MYRIP: variants seen among roughly 807,000 people sequenced by gnomAD.
The protein encoded by MYRIP is myosin VIIA and Rab interacting protein, also known as rab effector MyRIP.
In MYRIP, 49 loss-of-function variants were observed where a neutral mutation model predicts 98.0. The observed-to-expected ratio is 0.50, with a 90% confidence interval of 0.40 to 0.63. The LOEUF is 0.63. Ranked by LOEUF, MYRIP falls within the 30% of genes least tolerant of loss-of-function variation. MYRIP has a pLI of 0.00. For synonymous variants in MYRIP, 404 were observed against 409.5 expected, an observed-to-expected ratio of 0.99 and a Z score of 0.16; for missense variants, 1,004 against 1,058.2, an observed-to-expected ratio of 0.95 and a Z score of 0.71.
At chr3:40,096,468 T>C (rs1305733227) in intron 3 of MYRIP, among the ~76,000 whole-genome samples, 2 of 152,206 alleles carry the variant, frequency 1.3e-5, no homozygotes, top group Non-Finnish European at 2.9e-5. Context: ...CATAAATCAA[T>C]GCAGGAACCT....
intron 2 of MYRIP, among the ~76,000 whole-genome samples, chr3:39,980,684 A>G (rs1559546767): frequency 6.6e-6 from 1 of 152,170 alleles, no homozygotes; most frequent in African/African-American, 2.4e-5. Flanking sequence ...TGCTTTAGTT[A>G]CCTTGTCCTG....
chr3:39,868,773 C>T (rs1351276996), intron 1 of MYRIP, among the ~76,000 whole-genome samples: 1 of 152,160 alleles, frequency 6.6e-6, no homozygotes, highest in Non-Finnish European at 1.5e-5. Context: ...CCCCAAACAC[C>T]TCCTTTACGG....
chr3:39,847,756 A>G (rs1942010467), intron 1 of MYRIP, among the ~76,000 whole-genome samples: 1 of 152,100 alleles, frequency 6.6e-6, no homozygotes, highest in African/African-American at 2.4e-5. Context: ...GCTTCCATAT[A>G]TGCCCTCCCT....
intron 3 of MYRIP, among the ~76,000 whole-genome samples, chr3:40,093,548 T>C (rs963214267): frequency 2.0e-5 from 3 of 152,168 alleles, no homozygotes; most frequent in Non-Finnish European, 2.9e-5. Flanking sequence ...ATTCTAAGGG[T>C]ATGCTTAAGT....
At chr3:40,009,162 C>G (rs1395957459) in intron 2 of MYRIP, among the ~76,000 whole-genome samples, 1 of 152,026 alleles carries the variant, frequency 6.6e-6, no homozygotes, top group Non-Finnish European at 1.5e-5. Flanking sequence ...AATGTGGAGA[C>G]TGCCAGACCC....
chr3:40,208,110 A>G (rs1951832048), intron 10 of MYRIP, among the ~76,000 whole-genome samples: 1 of 152,190 alleles, frequency 6.6e-6, no homozygotes, highest in South Asian at 2.1e-4. Flanking sequence ...GTGAGTAATG[A>G]TGAGAAATAA....
intron 8 of MYRIP, among the ~76,000 whole-genome samples, chr3:40,176,857 C>T (rs539800992): frequency 7.9e-5 from 11 of 138,508 alleles, no homozygotes; most frequent in Non-Finnish European, 9.1e-5. Context: ...TGCAATGAGC[C>T]GAGATCACAC....
At chr3:40,173,064 G>C (rs1283227025) in intron 8 of MYRIP, 3 of 152,180 alleles carry the variant, frequency 2.0e-5, no homozygotes, top group African/African-American at 7.2e-5. Context: ...TGGGAAGGGG[G>C]TCATCACAAA....
chr3:39,984,496 G>C (rs556798838), intron 2 of MYRIP, among the ~76,000 whole-genome samples: 2 of 151,876 alleles, frequency 1.3e-5, no homozygotes, highest in African/African-American at 2.4e-5. Flanking sequence ...TTGTTCTTGC[G>C]ATAGTTTACT....
chr3:40,174,741 G>A (rs1950711334), intron 8 of MYRIP: 1 of 152,224 alleles, frequency 6.6e-6, no homozygotes, highest in African/African-American at 2.4e-5. Flanking sequence ...GAGGAAGAGT[G>A]TACTAATTAA....
At chr3:39,938,912 G>A (rs1384291691) in intron 2 of MYRIP, among the ~76,000 whole-genome samples, 8 of 152,174 alleles carry the variant, frequency 5.3e-5, no homozygotes, top group East Asian at 3.9e-4. Flanking sequence ...CAAAGCAGGA[G>A]TTTGAGCCCT....
intron 3 of MYRIP, among the ~76,000 whole-genome samples, chr3:40,094,357 C>T (rs916046689): frequency 6.6e-6 from 1 of 152,182 alleles, no homozygotes; most frequent in Non-Finnish European, 1.5e-5. Context: ...GAACTCAGAG[C>T]TTGGTCTGTC....
intron 2 of MYRIP, among the ~76,000 whole-genome samples, chr3:39,939,019 GC>G (rs1944721385): frequency 6.6e-6 from 1 of 152,106 alleles, no homozygotes. Context: ...ACACCGTCCA[GC>G]CCTGGCCAGT....
At position 39,872,192 on chromosome 3, in the gene MYRIP, A is replaced by G. The variant is rs1371712656; in HGVS notation, c.-30-28595A>G. Among the ~76,000 whole-genome samples the G allele has an allele frequency of 2.0e-5, 3 of 152,226 alleles. No individual in the cohort carries two copies. In the East Asian group the frequency reaches 5.8e-4, roughly 29 times the overall value. On this transcript the variant is annotated intron_variant, in intron 1 of 16. Transcript: ENST00000302541. ...GATTATAAAGTTAATGAATACTTAC[A>G]TAGAGAAATGTAAAGACTATTATTG...
At chr3:40,034,285 C>A (rs1429048184) in intron 2 of MYRIP, among the ~76,000 whole-genome samples, 165 of 151,998 alleles carry the variant, frequency 1.1e-3, no homozygotes, top group African/African-American at 3.6e-3. Context: ...GTGAACAGGC[C>A]ACCTACAAAA....
At chr3:39,977,802 C>T (rs924779873) in intron 2 of MYRIP, among the ~76,000 whole-genome samples, 6 of 152,178 alleles carry the variant, frequency 3.9e-5, no homozygotes, top group Admixed American at 3.9e-4. Context: ...ACCTTCCAGG[C>T]CCCTCATGTA....
At chr3:40,171,369 G>A (rs1950608824) in intron 8 of MYRIP, among the ~76,000 whole-genome samples, 1 of 152,192 alleles carries the variant, frequency 6.6e-6, no homozygotes, top group Non-Finnish European at 1.5e-5. Context: ...ACTGGATGGA[G>A]CAGGGGAGCA....
intron 11 of MYRIP, among the ~76,000 whole-genome samples, chr3:40,231,390 G>A (rs1404389808): frequency 6.6e-6 from 1 of 152,170 alleles, no homozygotes. Context: ...CCAGCACCTG[G>A]AACAGAGCTG....
chr3:39,817,845 G>A (rs1051259416), intron 1 of MYRIP, among the ~76,000 whole-genome samples: 1 of 152,036 alleles, frequency 6.6e-6, no homozygotes, highest in Admixed American at 6.6e-5. Flanking sequence ...CCCTTAAAAT[G>A]TAATACTAAT....
Sources: allele counts gnomAD v4.1 joint callset (sites outside exome capture counted in the v4.1 genomes callset), GRCh38; gene constraint gnomAD v4.1.1; transcripts MANE v1.5; gene names NCBI Gene and HGNC (gene_info 2026-07-23, HGNC 2026-07-21).